Variants in LIN52 observed in about 807,000 individuals in gnomAD.
LIN52 encodes the protein protein lin-52 homolog.
Under a neutral mutation model 18.5 loss-of-function variants are expected in LIN52, and 4 were observed. The ratio of observed to expected loss-of-function variants is 0.22; its 90% confidence interval spans 0.11 to 0.49. LIN52 has a LOEUF of 0.49. Among genes scored for constraint, LIN52 ranks in the 20% least tolerant of loss-of-function variants. The probability of loss-of-function intolerance (pLI) is 0.97; values close to 1 mark genes in which losing one functional copy is unlikely to be tolerated. For synonymous variants in LIN52, 34 were observed against 45.5 expected (o/e 0.75, Z 1.02); for missense variants, 102 against 139.5 (o/e 0.73, Z 1.35).
chr14:74,097,868 A>T lies in LIN52; in HGVS notation c.199+8A>T. 1 of 1,597,840 alleles carries T rather than the reference A, an allele frequency of 6.3e-7. No individual in the cohort carries two copies. Among genetic ancestry groups the T allele is most frequent in the Non-Finnish European group, 8.6e-7 (1 of 1,165,296 alleles). On this transcript the variant is annotated splice_region_variant and intron_variant, in intron 4 of 5. Transcript: ENST00000555028. ...ACATCGACATGTTGAAAGGTAAGTG[A>T]TGCTAGTTACCACTTTTAACTGGAT...
In LIN52 at chr14:74,095,042, C is replaced by T. The variant is rs115270592; in HGVS notation, c.95-906C>T. On this transcript the variant is annotated intron_variant, in intron 2 of 5. Transcript: ENST00000555028. Reference sequence around the variant, plus strand: ...TCACCCAGGCTAAAGTGCAATGTCACGATGATAGCTTACTGCAGCCTCCAA... The same window carrying T: ...TCACCCAGGCTAAAGTGCAATGTCATGATGATAGCTTACTGCAGCCTCCAA... 8.8e-4 allele frequency among the ~76,000 whole-genome samples: 133 copies of T among 151,064 alleles called. 2 individuals are homozygous for T. The highest frequency in any genetic ancestry group is 2.9e-3 in the African/African-American group (121 of 41,118).
At chr14:74,106,484 C>A (rs1233008315) in intron 5 of LIN52, among the ~76,000 whole-genome samples, 1 of 152,120 alleles carries the variant, frequency 6.6e-6, no homozygotes, top group Admixed American at 6.5e-5. Context: ...GTTGCCCAGA[C>A]TGGTCTTGAA....
intron 5 of LIN52, among the ~76,000 whole-genome samples, chr14:74,113,395 A>C (rs1321254378): frequency 6.6e-6 from 1 of 152,218 alleles, no homozygotes; most frequent in Non-Finnish European, 1.5e-5. Flanking sequence ...CTGTCTCAAA[A>C]AAAAGGAAGG....
chr14:74,151,296 T>C (rs1157039220), intron 5 of LIN52, among the ~76,000 whole-genome samples: 1 of 152,242 alleles, frequency 6.6e-6, no homozygotes, highest in Non-Finnish European at 1.5e-5. Flanking sequence ...GAAGCAATAA[T>C]AACCACAACA....
chr14:74,095,149 G>GTTTTTTTTTT lies in LIN52; in HGVS notation c.95-788_95-779dup, dbSNP rs35455851. Among the ~76,000 whole-genome samples the GTTTTTTTTTT allele has an allele frequency of 6.7e-5, 7 of 103,734 alleles. 1 individual carries two copies. The highest frequency in any genetic ancestry group is 1.1e-4 in the African/African-American group (3 of 26,110). The allele number at this position is 103,734 out of a possible 152,430, so 68.1% of individuals were successfully genotyped here. On this transcript the variant is annotated intron_variant, in intron 2 of 5. Coordinates refer to ENST00000555028, the MANE Select transcript of LIN52 (RefSeq NM_001024674.3). Reference sequence around the variant, plus strand: ...TGTGCATTACCATGCCCAACTAACTGTTTTTTTTTTTTTTTTTTTTGAGAC... The same window carrying GTTTTTTTTTT: ...TGTGCATTACCATGCCCAACTAACTGTTTTTTTTTTTTTTTTTTTTTTTTTTTTTTGAGAC...
At chr14:74,126,300 G>A (rs2061029652) in intron 5 of LIN52, among the ~76,000 whole-genome samples, 1 of 152,132 alleles carries the variant, frequency 6.6e-6, no homozygotes, top group Non-Finnish European at 1.5e-5. Context: ...TATGTAAAAT[G>A]GTATACTCCC....
chr14:74,180,056 C>G (rs536590075), intron 5 of LIN52, among the ~76,000 whole-genome samples: 4 of 152,236 alleles, frequency 2.6e-5, no homozygotes, highest in African/African-American at 7.2e-5. Context: ...CTGAGAACCA[C>G]TAACATTATA....
intron 5 of LIN52, among the ~76,000 whole-genome samples, chr14:74,102,870 T>A (rs77660260): frequency 6.6e-6 from 1 of 152,208 alleles, no homozygotes; most frequent in East Asian, 1.9e-4. Flanking sequence ...AAGTATTTTT[T>A]CCTGCTTTTT....
intron 5 of LIN52, among the ~76,000 whole-genome samples, chr14:74,124,017 G>GT (rs1323818197): frequency 6.6e-6 from 1 of 152,248 alleles, no homozygotes; most frequent in Admixed American, 6.5e-5. Flanking sequence ...AAAATGCTTA[G>GT]TATGAGTCTT....
chr14:74,089,474 C>T (rs1364990514), intron 1 of LIN52, among the ~76,000 whole-genome samples: 1 of 150,880 alleles, frequency 6.6e-6, no homozygotes, highest in African/African-American at 2.4e-5. Flanking sequence ...CTCAAGCCAT[C>T]CTTCCACCTC....
chr14:74,194,065 G>C (rs1352644266), intron 5 of LIN52, among the ~76,000 whole-genome samples: 1 of 152,156 alleles, frequency 6.6e-6, no homozygotes, highest in Admixed American at 6.5e-5. Flanking sequence ...ATTTTATCAG[G>C]CAATTGCCTC....
chr14:74,103,931 C>A (rs1360633617), intron 5 of LIN52, among the ~76,000 whole-genome samples: 2 of 145,906 alleles, frequency 1.4e-5, no homozygotes, highest in Non-Finnish European at 3.0e-5. Context: ...CTCGCTCTGT[C>A]GCCAGGTTGG....
chr14:74,184,956 T>G (rs2061334862), intron 5 of LIN52, among the ~76,000 whole-genome samples: 4 of 151,982 alleles, frequency 2.6e-5, no homozygotes, highest in African/African-American at 9.7e-5. Flanking sequence ...TTTTAAAAAT[T>G]TTTTCTTATT....
chr14:74,125,893 TG>T (rs1275922006), intron 5 of LIN52, among the ~76,000 whole-genome samples: 1 of 35,252 alleles, frequency 2.8e-5, no homozygotes, highest in African/African-American at 1.2e-4. Context: ...TGTTGTGGGG[TG>T]GGGGGAGGGG....
Position 74,198,919 on chromosome 14 carries a change from C to T in LIN52, c.284-3C>T, listed in dbSNP as rs766574545. The T allele has an allele frequency of 1.8e-5, 29 of 1,607,930 alleles. No individual in the cohort carries two copies. The highest frequency in any genetic ancestry group is 1.7e-4 in the South Asian group (15 of 90,822). On this transcript the variant is annotated splice_region_variant and splice_polypyrimidine_tract_variant and intron_variant, in intron 5 of 5. Coordinates refer to ENST00000555028, the MANE Select transcript of LIN52 (RefSeq NM_001024674.3). ...TGATCATTTGTTTGCTTTGTGATTC[C>T]AGCCAGAGAGATGACACGGGGGAAA...
At chr14:74,118,773 T>G (rs764499698) in intron 5 of LIN52, among the ~76,000 whole-genome samples, 2 of 152,158 alleles carry the variant, frequency 1.3e-5, no homozygotes, top group African/African-American at 2.4e-5. Flanking sequence ...AGACCCTATC[T>G]CAAAACAAAA....
At chr14:74,190,055 G>A (rs1429482954) in intron 5 of LIN52, among the ~76,000 whole-genome samples, 1 of 152,174 alleles carries the variant, frequency 6.6e-6, no homozygotes, top group East Asian at 1.9e-4. Flanking sequence ...AGGATTGCTT[G>A]AGGCCAAGAG....
In LIN52 at chr14:74,199,151, G is replaced by T; in HGVS notation, c.*174G>T. ...CGTCTGAGGACATTCAGCAGCAAGA[G>T]AAGAATCTGCTCTACCCAAGGATCA... On this transcript the variant is annotated 3_prime_UTR_variant, in exon 6 of 6. Transcript: ENST00000555028. 1.9e-6 allele frequency: 1 copy of T among 539,788 alleles called. No homozygotes were observed. Among genetic ancestry groups the T allele is most frequent in the Non-Finnish European group, 3.3e-6 (1 of 304,512 alleles). 33.4% of individuals were successfully genotyped at this position (539,788 alleles called of 1,614,324 possible).
intron 5 of LIN52, among the ~76,000 whole-genome samples, chr14:74,141,053 A>C (rs1838267969): frequency 6.6e-6 from 1 of 152,206 alleles, no homozygotes; most frequent in Non-Finnish European, 1.5e-5. Context: ...CTGTAATGGT[A>C]AATAAGTGGT....
Sources: allele counts gnomAD v4.1 joint callset (sites outside exome capture counted in the v4.1 genomes callset), GRCh38; gene constraint gnomAD v4.1.1; transcripts MANE v1.5; gene names NCBI Gene and HGNC (gene_info 2026-07-23, HGNC 2026-07-21).